FANCD2: variants seen among roughly 807,000 people sequenced by gnomAD.
FANCD2 encodes the protein Fanconi anemia group D2 protein.
A neutral mutation model predicts 192.3 loss-of-function variants in FANCD2; 131 were observed. The observed-to-expected ratio is 0.68, with a 90% CI of 0.59 to 0.79. The LOEUF (loss-of-function observed/expected upper bound fraction) is 0.79, where lower values mean the gene tolerates loss of function less well. Among genes scored for constraint, FANCD2 ranks in the 30% least tolerant of loss-of-function variants. The pLI is 0.00. For synonymous variants in FANCD2, 524 were observed against 612.5 expected, an observed-to-expected ratio of 0.86 and a Z score of 2.13; for missense variants, 1,508 against 1,701.6, an observed-to-expected ratio of 0.89 and a Z score of 2.00.
At chr3:10,078,227 G>T in intron 30 of FANCD2, 30 bp downstream of exon 30, 1 of 1,430,158 alleles carries the variant, frequency 7.0e-7, no homozygotes. Context: ...TAGGACTTGG[G>T]CATAGTGGAT....
intron 41 of FANCD2, 44 bp from the exon 42 acceptor site, chr3:10,096,279 CATG>C (rs1346625211): frequency 6.3e-7 from 1 of 1,595,402 alleles, no homozygotes; most frequent in Non-Finnish European, 8.6e-7. Context: ...AATGTGAAGG[CATG>C]ATGATAAACT....
intron 17 of FANCD2, among the ~76,000 whole-genome samples, chr3:10,052,033 C>T (rs1050128192): frequency 5.3e-5 from 8 of 151,654 alleles, no homozygotes; most frequent in South Asian, 2.1e-4. Flanking sequence ...TAAAGAATAC[C>T]GAGAACTGGG....
Position 10,039,332 on chromosome 3 carries a change from G to A in FANCD2, c.545G>A (p.Trp182Ter). ...IPRLIVSQLK[W>*]LDRVVDGKDL... ...CGACTCATTGTCAGTCAACTAAAAT[G>A]GCTTGACAGAGTTGTGGATGGCAAG... Residue 182 changes from tryptophan to a stop codon, truncating the protein, a stop_gained, in exon 8 of 44, where the codon TGG (tryptophan) becomes TAG (stop). Coordinates refer to ENST00000675286, the MANE Select transcript of FANCD2 (RefSeq NM_001018115.3). LOFTEE classifies it high-confidence loss of function. The A allele has an allele frequency of 6.2e-7, 1 of 1,613,664 alleles. No individual in the cohort carries two copies. Among genetic ancestry groups the A allele is most frequent in the East Asian group, 2.2e-5 (1 of 44,876 alleles).
At chr3:10,033,273 T>C (rs977060579) in intron 3 of FANCD2, among the ~76,000 whole-genome samples, 11 of 152,100 alleles carry the variant, frequency 7.2e-5, no homozygotes, top group Non-Finnish European at 1.3e-4. Context: ...TGGTGGCATG[T>C]GCCTGTAGTC....
chr3:10,072,255 G>A (rs915983184), intron 26 of FANCD2, among the ~76,000 whole-genome samples: 10 of 151,170 alleles, frequency 6.6e-5, no homozygotes, highest in Admixed American at 1.3e-4. Flanking sequence ...TCTCATGTGC[G>A]CCATAAATAT....
At chr3:10,041,597 CTT>C in intron 9 of FANCD2, 24 bp from the exon 10 acceptor site, 1 of 1,523,998 alleles carries the variant, frequency 6.6e-7, no homozygotes, top group Non-Finnish European at 9.1e-7. Context: ...CATTATACAA[CTT>C]TTTTCTTTTT....
chr3:10,050,916 C>T (rs895978120), intron 17 of FANCD2, among the ~76,000 whole-genome samples: 22 of 151,256 alleles, frequency 1.5e-4, no homozygotes, highest in East Asian at 2.0e-4. Flanking sequence ...AGAAAGCCCT[C>T]CTCTACTAAA....
Position 10,060,385 on chromosome 3 carries a change from GCAT to G in FANCD2, c.1752_1754del (p.Ile584del). 1 of 1,613,826 alleles carries G rather than the reference GCAT, an allele frequency of 6.2e-7. No individual in the cohort carries two copies. Among genetic ancestry groups the G allele is most frequent in the Non-Finnish European group, 8.5e-7 (1 of 1,179,830 alleles). The stretch of plus-strand genomic sequence containing the variant: ...ATTATTGGTGCTGTGACCATGGCTG[GCAT>G]CATGGCGGCAGACAGGTACACGTGG... On this transcript the variant is annotated inframe_deletion, in exon 19 of 44. Transcript: ENST00000675286.
At position 10,067,088 on chromosome 3, in the gene FANCD2, A is replaced by T. The variant is rs796822389; in HGVS notation, c.2386-121A>T. 60 of 732,376 alleles carry T rather than the reference A, an allele frequency of 8.2e-5. No individual in the cohort carries two copies. In the South Asian group the frequency reaches 8.6e-4, roughly 11 times the overall value. The allele number at this position is 732,376 out of a possible 1,614,324, so 45.4% of individuals were successfully genotyped here. Reference sequence around the variant, plus strand: ...ATACCACGTTGTTGAGGACAGTTCTATTACAGACTAAACTCAAAGATCTTG... The same window carrying T: ...ATACCACGTTGTTGAGGACAGTTCTTTTACAGACTAAACTCAAAGATCTTG... On this transcript the variant is annotated intron_variant, in intron 25 of 43. Transcript: ENST00000675286.
chr3:10,042,760 A>T, intron 11 of FANCD2, 97 bp downstream of exon 11: 1 of 980,134 alleles, frequency 1.0e-6, no homozygotes, highest in Non-Finnish European at 1.7e-6. Context: ...ACTAATCCGG[A>T]TAGCATTCAG....
At position 10,101,418 on chromosome 3, in the gene FANCD2, C is replaced by T; in HGVS notation, c.*156C>T. 2 of 576,390 alleles carry T rather than the reference C, an allele frequency of 3.5e-6. No individual in the cohort carries two copies. Among genetic ancestry groups the T allele is most frequent in the East Asian group, 3.0e-5 (1 of 33,680 alleles). The allele number at this position is 576,390 out of a possible 1,614,324, so 35.7% of individuals were successfully genotyped here. Reference sequence around the variant, plus strand: ...TTTTTTTTTTAAAGACGGGGACTCGCTGTGTTTCCCAGGCTGGAGTGCAGT... The same window carrying T: ...TTTTTTTTTTAAAGACGGGGACTCGTTGTGTTTCCCAGGCTGGAGTGCAGT... On this transcript the variant is annotated 3_prime_UTR_variant, in exon 44 of 44. Coordinates refer to ENST00000675286, the MANE Select transcript of FANCD2 (RefSeq NM_001018115.3).
intron 14 of FANCD2, 76 bp downstream of exon 14, chr3:10,043,940 G>C: frequency 1.7e-6 from 2 of 1,182,490 alleles, no homozygotes; most frequent in Non-Finnish European, 2.5e-6. Context: ...CCTTCCCACT[G>C]TCTTTCTTTC....
At chr3:10,030,117 A>G (rs1389054640) in intron 2 of FANCD2, among the ~76,000 whole-genome samples, 4 of 110,622 alleles carry the variant, frequency 3.6e-5, no homozygotes, top group African/African-American at 7.4e-5. Flanking sequence ...TTTTTTTGAG[A>G]TGGAGTTTGG....
Position 10,036,354 on chromosome 3 carries a change from T to G in FANCD2, c.491+15T>G. 1.3e-6 allele frequency: 2 copies of G among 1,597,902 alleles called. No homozygotes were observed. The highest frequency in any genetic ancestry group is 2.2e-5 in the East Asian group (1 of 44,788). ...TTTTTTGAAAAGTAAGTGGCGTTAT[T>G]ATGGAATGTTCAAAGTACCCTGATG... On this transcript the variant is annotated intron_variant, in intron 7 of 43. Coordinates refer to ENST00000675286, the MANE Select transcript of FANCD2 (RefSeq NM_001018115.3).
chr3:10,047,595 T>A (rs1158702947), intron 15 of FANCD2, among the ~76,000 whole-genome samples: 2 of 152,056 alleles, frequency 1.3e-5, no homozygotes, highest in Non-Finnish European at 2.9e-5. Flanking sequence ...GGGGGTAGTA[T>A]GATTGCATGG....
At chr3:10,039,010 T>C (rs934251110) in intron 7 of FANCD2, among the ~76,000 whole-genome samples, 1 of 152,204 alleles carries the variant, frequency 6.6e-6, no homozygotes. Flanking sequence ...AGAGATGCTG[T>C]CTAGCCCTGT....
At chr3:10,033,986 C>T (rs1340135229) in intron 3 of FANCD2, among the ~76,000 whole-genome samples, 3 of 150,302 alleles carry the variant, frequency 2.0e-5, no homozygotes, top group East Asian at 2.0e-4. Flanking sequence ...CATGAGCCAC[C>T]GCGCCCAGCC....
chr3:10,028,894 C>A (rs1434229634), intron 2 of FANCD2, among the ~76,000 whole-genome samples, 173 bp downstream of exon 2: 1 of 152,114 alleles, frequency 6.6e-6, no homozygotes, highest in African/African-American at 2.4e-5. Context: ...TCGAATTCTG[C>A]GTATAACTTT....
At chr3:10,099,269 A>C (rs1165181732) in intron 43 of FANCD2, 40 of 1,280,432 alleles carry the variant, frequency 3.1e-5, no homozygotes, top group Non-Finnish European at 3.8e-5. Flanking sequence ...AAATAAAAAT[A>C]GAAGTTCTTA....
Sources: gnomAD v4.1 joint callset for allele counts (sites outside exome capture counted in the v4.1 genomes callset) on GRCh38, gnomAD v4.1.1 for gene constraint, MANE v1.5 for transcripts, NCBI Gene and HGNC (gene_info 2026-07-23, HGNC 2026-07-21) for gene names.